FADS3: variants seen among roughly 807,000 people sequenced by gnomAD.
FADS3 encodes the protein cytochrome b5-related protein.
Under a neutral mutation model 60.4 loss-of-function variants are expected in FADS3, and 30 were observed. The observed-to-expected ratio is 0.50, with a 90% confidence interval of 0.37 to 0.67. The LOEUF (loss-of-function observed/expected upper bound fraction) is 0.67. Among genes scored for constraint, FADS3 ranks in the 30% least tolerant of loss-of-function variants. The pLI is 0.00. For missense variants in FADS3, 432 were observed against 598.3 expected, an observed-to-expected ratio of 0.72 and a Z score of 2.90; for synonymous variants, 234 against 249.3, an observed-to-expected ratio of 0.94 and a Z score of 0.58.
chr11:61,889,970 C>A (rs1483976887), intron 1 of FADS3, among the ~76,000 whole-genome samples: 1 of 152,218 alleles, frequency 6.6e-6, no homozygotes, highest in Non-Finnish European at 1.5e-5. Context: ...CTCGCCACGC[C>A]CTGGCAGAAA....
intron 1 of FADS3, among the ~76,000 whole-genome samples, chr11:61,884,997 G>A (rs1049086423): frequency 1.3e-5 from 2 of 152,102 alleles, no homozygotes; most frequent in East Asian, 1.9e-4. Flanking sequence ...GCAGGGGCAC[G>A]AACCATTTTG....
upstream of FADS3, chr11:61,891,613 GC>G (rs1250776809): frequency 1.2e-3 from 180 of 146,158 alleles, 1 homozygote; most frequent in African/African-American, 5.1e-3. Flanking sequence ...CTGCCCCCCC[GC>G]CCCCGGCCAG....
At chr11:61,889,377 C>T (rs564942782) in intron 1 of FADS3, among the ~76,000 whole-genome samples, 103 of 150,928 alleles carry the variant, frequency 6.8e-4, no homozygotes, top group African/African-American at 2.3e-3. Context: ...CCCAGCCGGG[C>T]GTGGTGGCTC....
Position 61,876,727 on chromosome 11 carries a change from G to A in FADS3, c.983+139C>T. On this transcript the variant is annotated intron_variant, in intron 8 of 11. Transcript: ENST00000278829. This position sits in a 1 kb window ranked among gnomAD's most constrained non-coding sequence, Gnocchi z 5.7. ...GACCCTGGGCTCCTGCCACGCTTGTGTTTATGTGATTCCACCAGCAAGCCA... is the reference window on the plus strand; with the variant it reads ...GACCCTGGGCTCCTGCCACGCTTGTATTTATGTGATTCCACCAGCAAGCCA... The A allele has an allele frequency of 1.2e-6, 1 of 806,800 alleles. No homozygotes were observed. The highest frequency in any genetic ancestry group is 2.1e-6 in the Non-Finnish European group (1 of 479,190). The allele number at this position is 806,800 out of a possible 1,614,324, so 50.0% of individuals were successfully genotyped here.
intron 1 of FADS3, chr11:61,890,116 GT>G (rs1938447862): frequency 8.6e-6 from 1 of 116,844 alleles, no homozygotes; most frequent in African/African-American, 2.6e-5. Context: ...CGGACAAGGC[GT>G]TCTCTTTTTT....
chr11:61,876,392 G>C lies in FADS3; in HGVS notation c.1047C>G (p.Gly349=). The change falls in exon 9 of 12, where the codon GGC becomes GGG. Residue 349 remains glycine, a synonymous_variant. Transcript: ENST00000278829. This position sits in a 1 kb window ranked among gnomAD's most constrained non-coding sequence, Gnocchi z 5.7. ...TQMNHIPKEI[G]HEKHRDWVSS... ...TGACCCAGTCCCGGTGCTTCTCGTG[G>C]CCGATCTCCTTGGGGATGTGGTTCA... 2 of 1,613,374 alleles carry C rather than the reference G, an allele frequency of 1.2e-6. No homozygotes were observed. The highest frequency in any genetic ancestry group is 1.7e-6 in the Non-Finnish European group (2 of 1,180,016).
Position 61,877,695 on chromosome 11 carries a change from T to C in FADS3, c.809-108A>G. The C allele has an allele frequency of 9.9e-7, 1 of 1,009,146 alleles. No individual in the cohort carries two copies. Among genetic ancestry groups the C allele is most frequent in the Non-Finnish European group, 1.5e-6 (1 of 667,694 alleles). The allele number at this position is 1,009,146 out of a possible 1,614,324, so 62.5% of individuals were successfully genotyped here. On this transcript the variant is annotated intron_variant, in intron 6 of 11. Transcript: ENST00000278829. This position sits in a 1 kb window ranked among gnomAD's most constrained non-coding sequence, Gnocchi z 4.7. ...TCCAGGAATGCCCCTGGGACGTTGG[T>C]GCTGGTCACATCCAGCTGAATGACC...
At chr11:61,887,086 C>T (rs1190616880) in intron 1 of FADS3, among the ~76,000 whole-genome samples, 1 of 152,256 alleles carries the variant, frequency 6.6e-6, no homozygotes, top group African/African-American at 2.4e-5. Flanking sequence ...TAACCAGGCA[C>T]CCAGGTGCCC....
At chr11:61,886,878 G>A (rs974779791) in intron 1 of FADS3, among the ~76,000 whole-genome samples, 1 of 152,212 alleles carries the variant, frequency 6.6e-6, no homozygotes, top group African/African-American at 2.4e-5. Flanking sequence ...TCCAGCTCAG[G>A]CCAGGCTCAG....
chr11:61,881,312 GA>G, intron 1 of FADS3: 1 of 152,376 alleles, frequency 6.6e-6, no homozygotes, highest in Non-Finnish European at 1.5e-5. Context: ...AAGGGCCAGG[GA>G]AAGAGACCAG....
At position 61,880,071 on chromosome 11, in the gene FADS3, C is replaced by T. The variant is rs368351930; in HGVS notation, c.294G>A (p.Pro98=). Residue 98 remains proline, a synonymous_variant, in exon 2 of 12, where the codon CCG becomes CCA. Coordinates refer to ENST00000278829, the MANE Select transcript of FADS3 (RefSeq NM_021727.5). The part of the protein sequence containing the change: ...LQPLLIGELA[P]EEPSQDGPLN... ...GGGGTCCATCCTGGCTGGGTTCTTC[C>T]GGAGCCAGCTCTCCAATCAACAGGG... The T allele has an allele frequency of 1.1e-5, 17 of 1,613,940 alleles. No homozygotes were observed. The highest frequency in any genetic ancestry group is 1.4e-5 in the Non-Finnish European group (17 of 1,179,940).
intron 1 of FADS3, among the ~76,000 whole-genome samples, chr11:61,889,893 T>A (rs1233343665): frequency 6.6e-6 from 1 of 152,174 alleles, no homozygotes; most frequent in Non-Finnish European, 1.5e-5. Flanking sequence ...AGAGCAGGCA[T>A]CCACAAGACT....
Position 61,877,310 on chromosome 11 carries a change from C to G in FADS3, c.885+201G>C, listed in dbSNP as rs962885403. The G allele has an allele frequency of 4.2e-5, 12 of 288,036 alleles. No individual in the cohort carries two copies. Among genetic ancestry groups the G allele is most frequent in the African/African-American group, 2.1e-4 (9 of 42,378 alleles). The allele number at this position is 288,036 out of a possible 1,614,324, so 17.8% of individuals were successfully genotyped here. ...CCCCCCCTGTTCCTCAACCCCCCCC[C>G]ACCACACGTACAGTCACGGGCACAC... On this transcript the variant is annotated intron_variant, in intron 7 of 11. Coordinates refer to ENST00000278829, the MANE Select transcript of FADS3 (RefSeq NM_021727.5). The surrounding 1 kb of genome is among the most constrained non-coding windows in gnomAD (Gnocchi z 4.7).
At position 61,879,497 on chromosome 11, in the gene FADS3, C is replaced by G. The variant is rs761214589; in HGVS notation, c.337G>C (p.Glu113Gln). The G allele has an allele frequency of 1.9e-6, 3 of 1,578,698 alleles. No individual in the cohort carries two copies. The highest frequency in any genetic ancestry group is 1.2e-5 in the South Asian group (1 of 86,538). ...GCCTGGTGCAGGGCTCGGAAGTCCT[C>G]GACCAGCTGCGCCTGCCATAGCAGA... is the stretch of plus-strand genomic sequence containing the variant. ...QDGPLNAQLV[E>Q]DFRALHQAAE... is the part of the protein sequence containing the mutation. The change falls in exon 3 of 12, where the codon GAG becomes CAG. Residue 113 changes from glutamate to glutamine, a missense_variant. Physicochemically the swap from Glu to Gln is conservative, Grantham distance 29 (BLOSUM62 2). Around this residue, in one of 5 missense-constraint regions of FADS3, gnomAD observed 167 missense variants for 188.8 expected, o/e 0.88. Coordinates refer to ENST00000278829, the MANE Select transcript of FADS3 (RefSeq NM_021727.5).
At chr11:61,873,991 G>A (rs910285436) in intron 11 of FADS3, 126 bp from the exon 12 acceptor site, 3 of 632,780 alleles carry the variant, frequency 4.7e-6, no homozygotes, top group Non-Finnish European at 8.5e-6. Flanking sequence ...CTTCCCTGGG[G>A]GCAGGCAGCG....
At chr11:61,878,673 C>T (rs1938009215) in intron 4 of FADS3, 39 bp from the exon 5 acceptor site, 2 of 1,612,592 alleles carry the variant, frequency 1.2e-6, no homozygotes, top group South Asian at 1.1e-5. Flanking sequence ...AGGCTGTGCC[C>T]CCGACTGTGC....
At chr11:61,875,197 C>A (rs190919815) in intron 11 of FADS3, among the ~76,000 whole-genome samples, 1 of 152,202 alleles carries the variant, frequency 6.6e-6, no homozygotes, top group Non-Finnish European at 1.5e-5. Flanking sequence ...CTCTTGGCTG[C>A]CTGAGACATG....
rs1937898210 is a variant in FADS3 at position 61,876,622 on chromosome 11, TCCA to T, written c.984-170_984-168del. The T allele has an allele frequency of 1.5e-6, 1 of 672,558 alleles. No individual in the cohort carries two copies. Among genetic ancestry groups the T allele is most frequent in the Non-Finnish European group, 2.6e-6 (1 of 379,834 alleles). The allele number at this position is 672,558 out of a possible 1,614,324, so 41.7% of individuals were successfully genotyped here. A position where few individuals can be genotyped will look rare whatever the true frequency, so the allele number is the denominator to read the frequency against. ...TTTAAAGAATCTGAATGGAGCAGTGTCCACTGTGAGGCTGAGTCCAGAGCAGCT... is the reference window on the plus strand; with the variant it reads ...TTTAAAGAATCTGAATGGAGCAGTGTCTGTGAGGCTGAGTCCAGAGCAGCT... On this transcript the variant is annotated intron_variant, in intron 8 of 11. Coordinates refer to ENST00000278829, the MANE Select transcript of FADS3 (RefSeq NM_021727.5). This position sits in a 1 kb window ranked among gnomAD's most constrained non-coding sequence, Gnocchi z 5.7.
In FADS3 at chr11:61,875,836, G is replaced by C; in HGVS notation, c.1286+15C>G. The C allele has an allele frequency of 6.2e-7, 1 of 1,609,710 alleles. No homozygotes were observed. Among genetic ancestry groups the C allele is most frequent in the African/African-American group, 1.3e-5 (1 of 75,004 alleles). On this transcript the variant is annotated intron_variant, in intron 11 of 11. Coordinates refer to ENST00000278829, the MANE Select transcript of FADS3 (RefSeq NM_021727.5). Reference sequence around the variant, plus strand: ...GGGAAGCCACCAGAACAGAGGGGCCGGGCTGCAGCCTCACCTGACGATGTC... The same window carrying C: ...GGGAAGCCACCAGAACAGAGGGGCCCGGCTGCAGCCTCACCTGACGATGTC...
Sources: gnomAD v4.1 joint callset for allele counts (sites outside exome capture counted in the v4.1 genomes callset) on GRCh38, gnomAD v4.1.1 for gene constraint, gnomAD v4.1.1 regional missense constraint, Gnocchi (gnomAD v3.1) non-coding constraint, MANE v1.5 for transcripts, NCBI Gene and HGNC (gene_info 2026-07-23, HGNC 2026-07-21) for gene names.